Variants in MEF2D observed in about 807,000 individuals in gnomAD.
MEF2D encodes the protein myocyte-specific enhancer factor 2D.
Under a neutral mutation model 59.3 loss-of-function variants are expected in MEF2D, and 10 were observed. The observed-to-expected ratio is 0.17, with a 90% confidence interval of 0.10 to 0.29. MEF2D has a LOEUF of 0.29. MEF2D is among the 10% of genes least tolerant of loss of function. The probability of loss-of-function intolerance (pLI) is 1.00; values close to 1 mark genes in which losing one functional copy is unlikely to be tolerated. For missense variants in MEF2D, 508 were observed against 699.4 expected (o/e 0.73, Z 3.09); for synonymous variants, 305 against 295.0 (o/e 1.03, Z -0.35).
At chr1:156,478,390 C>T (rs899229145) in intron 6 of MEF2D, among the ~76,000 whole-genome samples, 26 of 152,072 alleles carry the variant, frequency 1.7e-4, no homozygotes, top group Non-Finnish European at 1.3e-4. Context: ...TCCCAATTCC[C>T]GGACCACTCT....
chr1:156,499,428 A>C (rs1673342076), intron 1 of MEF2D: 1 of 152,096 alleles, frequency 6.6e-6, no homozygotes, highest in African/African-American at 2.4e-5. Context: ...TCAGAAGGGC[A>C]AACCTGGGAT....
chr1:156,478,755 C>CCCGACCTCAGGTGATCCG (rs199615174), intron 6 of MEF2D, among the ~76,000 whole-genome samples: 8,723 of 152,076 alleles, frequency 0.057, 507 homozygotes, highest in African/African-American at 0.14. Flanking sequence ...GTCTCAAACT[C>CCCGACCTCAGGTGATCCG]CCGACCTCAG....
rs768538763 is a variant in MEF2D at position 156,475,225 on chromosome 1, G to A, written c.889C>T (p.Arg297Cys). 8 of 1,610,684 alleles carry A rather than the reference G, an allele frequency of 5.0e-6. No homozygotes were observed. Among genetic ancestry groups the A allele is most frequent in the African/African-American group, 4.0e-5 (3 of 74,956 alleles). The part of the protein sequence containing the change: ...EDHLDLNNAQ[R>C]LGVSQSTHSL... ...TGAGTAGACTGGGAGACCCCAAGGCGCTGGGCATTGTTCTGTAGGAGAAAA... is the reference window on the plus strand; with the variant it reads ...TGAGTAGACTGGGAGACCCCAAGGCACTGGGCATTGTTCTGTAGGAGAAAA... Residue 297 changes from arginine (R) to cysteine (C), a missense_variant, in exon 9 of 12, where the codon CGC (arginine) becomes TGC (cysteine). Arg to Cys is a radical substitution (Grantham distance 180). Transcript: ENST00000348159.
chr1:156,481,738 G>A (rs531752742), intron 3 of MEF2D, among the ~76,000 whole-genome samples: 16 of 152,314 alleles, frequency 1.1e-4, no homozygotes, highest in South Asian at 8.3e-4. Flanking sequence ...GTGGCTTCCC[G>A]GGCACCCTCT....
chr1:156,489,579 G>A (rs1357286472), intron 1 of MEF2D, among the ~76,000 whole-genome samples: 2 of 151,962 alleles, frequency 1.3e-5, no homozygotes, highest in Admixed American at 6.6e-5. Context: ...GAGAACAAGA[G>A]ACAGGTTCAA....
Position 156,464,857 on chromosome 1 carries a change from C to T in MEF2D, c.*2788G>A, listed in dbSNP as rs1670744569. ...CGTGAATTGCAGGGGCCCTCACCCC[C>T]ACCCCGTGTTTAATGGTGGCCAAGC... On this transcript the variant is annotated 3_prime_UTR_variant, in exon 12 of 12. Coordinates refer to ENST00000348159, the MANE Select transcript of MEF2D (RefSeq NM_005920.4). 6.6e-6 allele frequency: 1 copy of T among 152,218 alleles called. No individual in the cohort carries two copies. The highest frequency in any genetic ancestry group is 2.4e-5 in the African/African-American group (1 of 41,436). The allele number at this position is 152,218 out of a possible 1,614,324, so 9.4% of individuals were successfully genotyped here. A position where few individuals can be genotyped will look rare whatever the true frequency, so the allele number is the denominator to read the frequency against.
intron 11 of MEF2D, 23 bp from the exon 12 acceptor site, chr1:156,467,679 AG>A: frequency 7.4e-7 from 1 of 1,343,464 alleles, no homozygotes. Context: ...GAGATGGAGA[AG>A]GGGGTGTGAG....
Position 156,475,121 on chromosome 1 carries a change from A to T in MEF2D, c.993T>A (p.Thr331=). Reference sequence around the variant, plus strand: ...ATGAACACTCACCTGTGTTGTAGGCAGTGGGCATGGAAGAGAAGGGGAGGC... The same window carrying T: ...ATGAACACTCACCTGTGTTGTAGGCTGTGGGCATGGAAGAGAAGGGGAGGC... ...SQGLPFSSMP[T]AYNTDYQLTS... is the part of the protein sequence containing the mutation. Residue 331 remains threonine (T), a synonymous_variant, in exon 9 of 12, where the codon ACT becomes ACA. Transcript: ENST00000348159. 1 of 1,614,230 alleles carries T rather than the reference A, an allele frequency of 6.2e-7. No homozygotes were observed. The highest frequency in any genetic ancestry group is 8.5e-7 in the Non-Finnish European group (1 of 1,180,020).
chr1:156,469,739 T>G (rs1240505384), intron 9 of MEF2D, among the ~76,000 whole-genome samples: 1 of 151,876 alleles, frequency 6.6e-6, no homozygotes, highest in African/African-American at 2.4e-5. Flanking sequence ...AGCTTAAAAA[T>G]TAGCTAGGGT....
Position 156,468,424 on chromosome 1 carries a change from G to T in MEF2D, c.1248-125C>A. The stretch of plus-strand genomic sequence containing the variant: ...AGAGGATGAGAATATGGGGGATGGG[G>T]TGTTGGGGAGAGGCAATTGGATGGA... On this transcript the variant is annotated intron_variant, in intron 10 of 11. Coordinates refer to ENST00000348159, the MANE Select transcript of MEF2D (RefSeq NM_005920.4). This position sits in a 1 kb window ranked among gnomAD's most constrained non-coding sequence, Gnocchi z 4.3. 3 of 704,622 alleles carry T rather than the reference G, an allele frequency of 4.3e-6. No individual in the cohort carries two copies. The highest frequency in any genetic ancestry group is 4.6e-6 in the Non-Finnish European group (2 of 431,954). 43.6% of individuals were successfully genotyped at this position (704,622 alleles called of 1,614,324 possible).
At chr1:156,484,631 G>A (rs927075429) in intron 1 of MEF2D, among the ~76,000 whole-genome samples, 6 of 152,158 alleles carry the variant, frequency 3.9e-5, no homozygotes, top group African/African-American at 1.4e-4. Context: ...GCAGCCAGGC[G>A]GATGCAGGCA....
intron 1 of MEF2D, among the ~76,000 whole-genome samples, chr1:156,498,068 C>T (rs1249049220): frequency 9.8e-5 from 13 of 132,700 alleles, no homozygotes; most frequent in Admixed American, 2.5e-4. Flanking sequence ...CTCCCTCTGG[C>T]TTCTCTTCCC....
chr1:156,492,633 C>T (rs1672873891), intron 1 of MEF2D, among the ~76,000 whole-genome samples: 1 of 152,232 alleles, frequency 6.6e-6, no homozygotes, highest in Admixed American at 6.5e-5. Context: ...CCACTGTTAC[C>T]TAACCCAATT....
At chr1:156,475,548 C>T (rs1671514078) in intron 8 of MEF2D, among the ~76,000 whole-genome samples, 1 of 152,252 alleles carries the variant, frequency 6.6e-6, no homozygotes, top group South Asian at 2.1e-4. Flanking sequence ...GGAAGGGAGA[C>T]ATCGTCCATC....
At chr1:156,483,217 T>G in intron 2 of MEF2D, 22 bp downstream of exon 2, 1 of 1,613,934 alleles carries the variant, frequency 6.2e-7, no homozygotes. Context: ...ACCCACTTCG[T>G]ACGGCTCTAG....
intron 2 of MEF2D, 116 bp downstream of exon 2, chr1:156,483,123 T>C: frequency 9.2e-7 from 1 of 1,088,734 alleles, no homozygotes; most frequent in South Asian, 1.3e-5. Flanking sequence ...TCCCCTTCTG[T>C]AATAGCTTAT....
In MEF2D at chr1:156,479,804, G is replaced by A; in HGVS notation, c.397-8C>T. 3 of 1,551,346 alleles carry A rather than the reference G, an allele frequency of 1.9e-6. No individual in the cohort carries two copies. The highest frequency in any genetic ancestry group is 2.6e-6 in the Non-Finnish European group (3 of 1,146,850). On this transcript the variant is annotated splice_polypyrimidine_tract_variant and splice_region_variant and intron_variant, in intron 4 of 11. Coordinates refer to ENST00000348159, the MANE Select transcript of MEF2D (RefSeq NM_005920.4). Reference sequence around the variant, plus strand: ...GGGGGCCGGGACAGTTGACTAGACAGAAAGATGGAGGGGCAGGATCAGGCC... The same window carrying A: ...GGGGGCCGGGACAGTTGACTAGACAAAAAGATGGAGGGGCAGGATCAGGCC...
chr1:156,489,051 A>G (rs1247290701), intron 1 of MEF2D, among the ~76,000 whole-genome samples: 1 of 152,236 alleles, frequency 6.6e-6, no homozygotes, highest in Non-Finnish European at 1.5e-5. Flanking sequence ...AAGGGAGCAG[A>G]TGCCCAGAGA....
At chr1:156,498,317 G>A (rs1673262425) in intron 1 of MEF2D, among the ~76,000 whole-genome samples, 1 of 152,030 alleles carries the variant, frequency 6.6e-6, no homozygotes, top group Admixed American at 6.5e-5. Flanking sequence ...AATCTTTCAG[G>A]CATTGAGTAC....
Sources: gnomAD v4.1 joint callset for allele counts (sites outside exome capture counted in the v4.1 genomes callset) on GRCh38, gnomAD v4.1.1 for gene constraint, Gnocchi (gnomAD v3.1) non-coding constraint, MANE v1.5 for transcripts, NCBI Gene and HGNC (gene_info 2026-07-23, HGNC 2026-07-21) for gene names.